SYT11: variants seen among roughly 807,000 people sequenced by gnomAD.
The protein encoded by SYT11 is synaptotagmin-11.
Under a neutral mutation model 30.4 loss-of-function variants are expected in SYT11, and 12 were observed. The observed-to-expected ratio is 0.39, with a 90% CI of 0.25 to 0.64. SYT11 has a LOEUF of 0.64. Ranked by LOEUF, SYT11 falls within the 30% of genes least tolerant of loss-of-function variation. The pLI is 0.45. For missense variants in SYT11, 412 were observed against 552.0 expected, an observed-to-expected ratio of 0.75 and a Z score of 2.54; for synonymous variants, 204 against 216.0, an observed-to-expected ratio of 0.94 and a Z score of 0.49.
chr1:155,864,931 G>A (rs541111106), intron 1 of SYT11, among the ~76,000 whole-genome samples: 6 of 151,982 alleles, frequency 3.9e-5, no homozygotes, highest in South Asian at 4.1e-4. Context: ...GGCTGGTCTC[G>A]AACTCCTGAC....
chr1:155,870,179 A>G (rs1672759585), intron 2 of SYT11, among the ~76,000 whole-genome samples: 1 of 152,198 alleles, frequency 6.6e-6, no homozygotes, highest in Non-Finnish European at 1.5e-5. Context: ...TGTCTTTTTC[A>G]GGGTATAACA....
chr1:155,882,664 A>G lies in SYT11; in HGVS notation c.*1156A>G, dbSNP rs767753493. On this transcript the variant is annotated 3_prime_UTR_variant, in exon 4 of 4. Coordinates refer to ENST00000368324, the MANE Select transcript of SYT11 (RefSeq NM_152280.5). Reference sequence around the variant, plus strand: ...GCTATAGGATAGTACCAATGAACACATCCAGCTGATCCCAAAAGCTGTTTT... The same window carrying G: ...GCTATAGGATAGTACCAATGAACACGTCCAGCTGATCCCAAAAGCTGTTTT... 5.2e-5 allele frequency: 8 copies of G among 152,384 alleles called. No individual in the cohort carries two copies. Among genetic ancestry groups the G allele is most frequent in the Non-Finnish European group, 1.0e-4 (7 of 68,050 alleles). 9.4% of individuals were successfully genotyped at this position (152,384 alleles called of 1,614,324 possible).
At chr1:155,878,070 C>G (rs1225005145) in intron 2 of SYT11, among the ~76,000 whole-genome samples, 1 of 151,710 alleles carries the variant, frequency 6.6e-6, no homozygotes, top group Non-Finnish European at 1.5e-5. Context: ...TAGTGAGACC[C>G]TGTCTTTACA....
At position 155,884,800 on chromosome 1, in the gene SYT11, G is replaced by C. The variant is rs2102571277; in HGVS notation, c.*3292G>C. ...TTTCAGTTCATCTCACTGGAGCACA[G>C]CCAAGATGGACATGTTTATGGACAG... is the stretch of plus-strand genomic sequence containing the variant. On this transcript the variant is annotated 3_prime_UTR_variant, in exon 4 of 4. Transcript: ENST00000368324. 6.5e-6 allele frequency: 1 copy of C among 152,842 alleles called. No homozygotes were observed. Among genetic ancestry groups the C allele is most frequent in the East Asian group, 1.9e-4 (1 of 5,318 alleles). The allele number at this position is 152,842 out of a possible 1,614,324, so 9.5% of individuals were successfully genotyped here.
chr1:155,859,636 G>A lies in SYT11; in HGVS notation c.-126G>A. On this transcript the variant is annotated 5_prime_UTR_variant, in exon 1 of 4. Transcript: ENST00000368324. ...TAGGGGCCGGACCGTCGCAGGAGGC[G>A]TCCGCTGGATACCTTCCCCCTTCCC... 1 of 899,500 alleles carries A rather than the reference G, an allele frequency of 1.1e-6. No homozygotes were observed. Among genetic ancestry groups the A allele is most frequent in the Non-Finnish European group, 1.8e-6 (1 of 543,816 alleles). 55.7% of individuals were successfully genotyped at this position (899,500 alleles called of 1,614,324 possible).
intron 2 of SYT11, among the ~76,000 whole-genome samples, chr1:155,880,191 CAA>C (rs1174106526): frequency 6.7e-6 from 1 of 150,178 alleles, no homozygotes; most frequent in Non-Finnish European, 1.5e-5. Flanking sequence ...GAACCTGTCT[CAA>C]AAAAAAAGAG....
chr1:155,868,077 G>T lies in SYT11; in HGVS notation c.147G>T (p.Lys49Asn), dbSNP rs1672712745. 2 of 1,613,990 alleles carry T rather than the reference G, an allele frequency of 1.2e-6. No homozygotes were observed. Among genetic ancestry groups the T allele is most frequent in the Admixed American group, 1.7e-5 (1 of 59,998 alleles). The change falls in exon 2 of 4, where the codon AAG (lysine) becomes AAT (asparagine). Residue 49 changes from lysine (K) to asparagine (N), a missense_variant. Lys to Asn is a moderately conservative substitution (Grantham distance 94). Transcript: ENST00000368324. The surrounding 1 kb of genome is among the most constrained non-coding windows in gnomAD (Gnocchi z 4.7). ...CCHQQAEKKQ[K>N]NPPYKFIHML... is the part of the protein sequence containing the mutation. ...ACCAGCAGGCAGAGAAGAAGCAGAA[G>T]AACCCACCATACAAGTTTATTCACA...
intron 1 of SYT11, 62 bp downstream of exon 1, chr1:155,859,857 C>A: frequency 6.6e-7 from 1 of 1,512,902 alleles, no homozygotes; most frequent in Non-Finnish European, 9.2e-7. Context: ...CCAAGGGGGC[C>A]CAGCGGCAGG....
At chr1:155,877,414 C>G (rs1403970928) in intron 2 of SYT11, among the ~76,000 whole-genome samples, 2 of 151,590 alleles carry the variant, frequency 1.3e-5, no homozygotes, top group Non-Finnish European at 2.9e-5. Flanking sequence ...ACAGCAGCTT[C>G]TTTTTGACAG....
At chr1:155,879,378 C>T (rs1191061241) in intron 2 of SYT11, among the ~76,000 whole-genome samples, 1 of 152,078 alleles carries the variant, frequency 6.6e-6, no homozygotes, top group Non-Finnish European at 1.5e-5. Context: ...GATCACGCCA[C>T]TGCACTCCAG....
Position 155,860,420 on chromosome 1 carries a change from G to C in SYT11, c.34+625G>C, listed in dbSNP as rs1672540699. On this transcript the variant is annotated intron_variant, in intron 1 of 3. Transcript: ENST00000368324. The surrounding 1 kb of genome is among the most constrained non-coding windows in gnomAD (Gnocchi z 4.1). ...AGCTCCATTCCGCATCGTAATGGTG[G>C]GGTCCCTCCGATGCTACCAAATGGC... Among the ~76,000 whole-genome samples, 1 of 152,210 alleles carries C rather than the reference G, an allele frequency of 6.6e-6. No individual in the cohort carries two copies. The highest frequency in any genetic ancestry group is 6.5e-5 in the Admixed American group (1 of 15,272).
Position 155,868,764 on chromosome 1 carries a change from C to G in SYT11, c.834C>G (p.Thr278=), listed in dbSNP as rs1195013358. Residue 278 remains threonine, a synonymous_variant, in exon 2 of 4, where the codon ACC becomes ACG. Transcript: ENST00000368324. This position sits in a 1 kb window ranked among gnomAD's most constrained non-coding sequence, Gnocchi z 4.7. The part of the protein sequence containing the change: ...VDPSTGKVQL[T]RDIIKRNIQK... ...CCAGCACAGGCAAGGTACAACTGAC[C>G]AGGGACATCATCAAAAGGAATATCC... 6.2e-7 allele frequency: 1 copy of G among 1,613,372 alleles called. No individual in the cohort carries two copies. The highest frequency in any genetic ancestry group is 1.3e-5 in the African/African-American group (1 of 74,888).
At chr1:155,880,663 ATCCCCGAC>A in intron 3 of SYT11, 40 bp downstream of exon 3, 1 of 1,610,524 alleles carries the variant, frequency 6.2e-7, no homozygotes, top group East Asian at 2.2e-5. Flanking sequence ...TGTCTGAACC[ATCCCCGAC>A]TCCTTGCCTG....
intron 2 of SYT11, among the ~76,000 whole-genome samples, chr1:155,879,315 G>T (rs1300108165): frequency 1.3e-5 from 2 of 152,058 alleles, no homozygotes; most frequent in Admixed American, 6.6e-5. Flanking sequence ...TACTCTGGAG[G>T]CTGAGACAGG....
At position 155,865,984 on chromosome 1, in the gene SYT11, A is replaced by G. The variant is rs562723514; in HGVS notation, c.35-1981A>G. On this transcript the variant is annotated intron_variant, in intron 1 of 3. Coordinates refer to ENST00000368324, the MANE Select transcript of SYT11 (RefSeq NM_152280.5). ...CTATAGGCCTAATCTGGACCTTTAA[A>G]GCCTAAACCCAATTTAGCCTCAATG... Among the ~76,000 whole-genome samples, 12 of 152,320 alleles carry G rather than the reference A, an allele frequency of 7.9e-5. No individual in the cohort carries two copies. In the East Asian group the frequency reaches 1.5e-3, roughly 20 times the overall value.
intron 1 of SYT11, among the ~76,000 whole-genome samples, chr1:155,864,054 C>T (rs1042984255): frequency 6.6e-6 from 1 of 152,116 alleles, no homozygotes; most frequent in Admixed American, 6.5e-5. Flanking sequence ...CACTGCACTC[C>T]AGCCTGAGTG....
chr1:155,885,108 C>G lies in SYT11; in HGVS notation c.*3600C>G, dbSNP rs1040718857. 1 of 152,370 alleles carries G rather than the reference C, an allele frequency of 6.6e-6. No individual in the cohort carries two copies. Among genetic ancestry groups the G allele is most frequent in the African/African-American group, 2.4e-5 (1 of 41,350 alleles). 9.4% of individuals were successfully genotyped at this position (152,370 alleles called of 1,614,324 possible). A position where few individuals can be genotyped will look rare whatever the true frequency, so the allele number is the denominator to read the frequency against. On this transcript the variant is annotated 3_prime_UTR_variant, in exon 4 of 4. Transcript: ENST00000368324. ...TGTGAAATTGCATAATGCTGTAATGCTAATCTACAATATGTAATGCTATCT... is the reference window on the plus strand; with the variant it reads ...TGTGAAATTGCATAATGCTGTAATGGTAATCTACAATATGTAATGCTATCT...
chr1:155,866,889 A>C (rs1182965334), intron 1 of SYT11, among the ~76,000 whole-genome samples: 1 of 151,976 alleles, frequency 6.6e-6, no homozygotes, highest in African/African-American at 2.4e-5. Context: ...TATTTAGAAT[A>C]ATATATGTAT....
chr1:155,867,209 C>T (rs768032786), intron 1 of SYT11, among the ~76,000 whole-genome samples: 2 of 152,040 alleles, frequency 1.3e-5, no homozygotes, highest in Non-Finnish European at 2.9e-5. Flanking sequence ...AGGCACATGC[C>T]ACCACGCCCA....
Sources: allele counts gnomAD v4.1 joint callset (sites outside exome capture counted in the v4.1 genomes callset), GRCh38; gene constraint gnomAD v4.1.1; non-coding constraint Gnocchi (gnomAD v3.1); transcripts MANE v1.5; gene names NCBI Gene and HGNC (gene_info 2026-07-23, HGNC 2026-07-21).